Variants in KIF1C observed in about 807,000 individuals in gnomAD.
KIF1C encodes the protein kinesin-like protein KIF1C.
Under a neutral mutation model 126.5 loss-of-function variants are expected in KIF1C, and 61 were observed. The ratio of observed to expected loss-of-function variants is 0.48; its 90% CI spans 0.39 to 0.60. The LOEUF (loss-of-function observed/expected upper bound fraction) is 0.60, where lower values mean the gene tolerates loss of function less well. KIF1C is among the 20% of genes least tolerant of loss of function. The probability of loss-of-function intolerance (pLI) is 0.00; values close to 1 mark genes in which losing one functional copy is unlikely to be tolerated. For synonymous variants in KIF1C, 640 were observed against 580.6 expected, an observed-to-expected ratio of 1.10 and a Z score of -1.47; for missense variants, 1,315 against 1,489.2, an observed-to-expected ratio of 0.88 and a Z score of 1.93.
chr17:5,018,956 G>T (rs139085876), intron 18 of KIF1C, among the ~76,000 whole-genome samples: 1 of 151,924 alleles, frequency 6.6e-6, no homozygotes, highest in Non-Finnish European at 1.5e-5. Context: ...GGGATAGATG[G>T]CACCCCCTCT....
chr17:5,024,251 C>T lies in KIF1C; in HGVS notation c.*100C>T. The T allele has an allele frequency of 1.2e-6, 1 of 859,596 alleles. No individual in the cohort carries two copies. The highest frequency in any genetic ancestry group is 1.8e-6 in the Non-Finnish European group (1 of 551,464). The allele number at this position is 859,596 out of a possible 1,614,324, so 53.2% of individuals were successfully genotyped here. On this transcript the variant is annotated 3_prime_UTR_variant, in exon 23 of 23. Transcript: ENST00000320785. ...CCAGAAGTGCTGGGGCAGGGAGGCC[C>T]AGGAGATGAGAGAGAAGGTCCGAGT...
chr17:5,020,352 A>G lies in KIF1C; in HGVS notation c.1751-140A>G. ...CCCTGGGTGTCAGCCAGGGGAGCAT[A>G]GGCTCCAACTGCCTTCAGACTTGGG... On this transcript the variant is annotated intron_variant, in intron 19 of 22. Transcript: ENST00000320785. The surrounding 1 kb of genome is among the most constrained non-coding windows in gnomAD (Gnocchi z 5.8). 1 of 903,682 alleles carries G rather than the reference A, an allele frequency of 1.1e-6. No homozygotes were observed. 56.0% of individuals were successfully genotyped at this position (903,682 alleles called of 1,614,324 possible).
At position 5,013,819 on chromosome 17, in the gene KIF1C, T is replaced by C. The variant is rs556995723; in HGVS notation, c.1571+87T>C. On this transcript the variant is annotated intron_variant, in intron 17 of 22. Coordinates refer to ENST00000320785, the MANE Select transcript of KIF1C (RefSeq NM_006612.6). Reference sequence around the variant, plus strand: ...TGTCCACATTGGTGTCTCCCTTCCCTGGTGGTCCCTGGAGATACCTCAGAT... The same window carrying C: ...TGTCCACATTGGTGTCTCCCTTCCCCGGTGGTCCCTGGAGATACCTCAGAT... 7 of 941,842 alleles carry C rather than the reference T, an allele frequency of 7.4e-6. No homozygotes were observed. The Admixed American group carries it at 1.2e-4, about 16-fold the overall frequency. 58.3% of individuals were successfully genotyped at this position (941,842 alleles called of 1,614,324 possible). A position where few individuals can be genotyped will look rare whatever the true frequency, so the allele number is the denominator to read the frequency against.
At chr17:5,012,762 C>T (rs1169257094) in intron 16 of KIF1C, among the ~76,000 whole-genome samples, 3 of 152,070 alleles carry the variant, frequency 2.0e-5, no homozygotes, top group African/African-American at 4.8e-5. Flanking sequence ...CTTCCCCAGG[C>T]GTGGCAGCAG....
intron 18 of KIF1C, among the ~76,000 whole-genome samples, chr17:5,018,055 A>G (rs772215053): frequency 2.4e-4 from 37 of 151,968 alleles, no homozygotes; most frequent in Admixed American, 2.6e-4. Flanking sequence ...ATCATGGTTC[A>G]CTGTAGCCTC....
At chr17:5,002,691 G>C in intron 7 of KIF1C, 40 bp from the exon 8 acceptor site, 1 of 1,612,932 alleles carries the variant, frequency 6.2e-7, no homozygotes, top group Non-Finnish European at 8.5e-7. Flanking sequence ...GGTTGGGAAG[G>C]TGAGAGGCAG....
intron 11 of KIF1C, 77 bp downstream of exon 11, chr17:5,004,150 T>C: frequency 9.4e-7 from 1 of 1,063,562 alleles, no homozygotes; most frequent in East Asian, 2.4e-5. Flanking sequence ...CAAATCCCCT[T>C]GCTATGCCGA....
chr17:5,008,872 G>T (rs955704262), intron 16 of KIF1C, among the ~76,000 whole-genome samples: 1 of 152,186 alleles, frequency 6.6e-6, no homozygotes, highest in South Asian at 2.1e-4. Flanking sequence ...CTGGAGCTGG[G>T]CCGCTTCCAC....
In KIF1C at chr17:5,013,635, CT is replaced by C; in HGVS notation, c.1492-15del. ...CCCCTGGCTGGCTCCCCCTGACCACCTTTCTCTCCCCGCTTAGACTCCCCAC... is the reference window on the plus strand; with the variant it reads ...CCCCTGGCTGGCTCCCCCTGACCACCTTCTCTCCCCGCTTAGACTCCCCAC... On this transcript the variant is annotated splice_polypyrimidine_tract_variant and intron_variant, in intron 16 of 22. Coordinates refer to ENST00000320785, the MANE Select transcript of KIF1C (RefSeq NM_006612.6). 6.2e-7 allele frequency: 1 copy of C among 1,608,472 alleles called. No homozygotes were observed. Among genetic ancestry groups the C allele is most frequent in the South Asian group, 1.1e-5 (1 of 90,846 alleles).
intron 16 of KIF1C, among the ~76,000 whole-genome samples, chr17:5,009,282 C>T (rs1183176894): frequency 5.3e-5 from 8 of 151,634 alleles, no homozygotes; most frequent in Non-Finnish European, 1.2e-4. Flanking sequence ...TGGGTTCATA[C>T]GATTCTTCTG....
chr17:5,003,293 C>T (rs968914654), intron 8 of KIF1C, among the ~76,000 whole-genome samples: 7 of 152,042 alleles, frequency 4.6e-5, no homozygotes, highest in African/African-American at 1.7e-4. Context: ...GTGATCCAGC[C>T]GCCTCAGCCT....
Position 5,013,639 on chromosome 17 carries a change from C to T in KIF1C, c.1492-14C>T, listed in dbSNP as rs1974912439. 1.2e-6 allele frequency: 2 copies of T among 1,610,354 alleles called. No individual in the cohort carries two copies. Among genetic ancestry groups the T allele is most frequent in the East Asian group, 2.2e-5 (1 of 44,846 alleles). On this transcript the variant is annotated splice_polypyrimidine_tract_variant and intron_variant, in intron 16 of 22. Coordinates refer to ENST00000320785, the MANE Select transcript of KIF1C (RefSeq NM_006612.6). ...TGGCTGGCTCCCCCTGACCACCTTT[C>T]TCTCCCCGCTTAGACTCCCCACCTG...
rs1975166141 is a variant in KIF1C at position 5,024,346 on chromosome 17, A to G, written c.*195A>G. The G allele has an allele frequency of 2.1e-6, 1 of 480,864 alleles. No individual in the cohort carries two copies. The highest frequency in any genetic ancestry group is 2.0e-5 in the African/African-American group (1 of 49,588). 29.8% of individuals were successfully genotyped at this position (480,864 alleles called of 1,614,324 possible). A position where few individuals can be genotyped will look rare whatever the true frequency, so the allele number is the denominator to read the frequency against. On this transcript the variant is annotated 3_prime_UTR_variant, in exon 23 of 23. Coordinates refer to ENST00000320785, the MANE Select transcript of KIF1C (RefSeq NM_006612.6). ...AGGAAGAGGGCACGGAGTTGCCAGGAGCAAACCAAAGTGAAGAGAGAGATA... is the reference window on the plus strand; with the variant it reads ...AGGAAGAGGGCACGGAGTTGCCAGGGGCAAACCAAAGTGAAGAGAGAGATA...
At position 5,009,186 on chromosome 17, in the gene KIF1C, C is replaced by CT. The variant is rs537589988; in HGVS notation, c.1491+1655dup. On this transcript the variant is annotated intron_variant, in intron 16 of 22. Transcript: ENST00000320785. ...TCAGAGGCAGCCTTCATTATGAGTT[C>CT]TTTTTTTTTTTGAGACGGGGTCTTG... 7.1e-4 allele frequency among the ~76,000 whole-genome samples: 102 copies of CT among 144,406 alleles called. No homozygotes were observed. In the South Asian group the frequency reaches 8.8e-3, roughly 12 times the overall value. 94.7% of individuals were successfully genotyped at this position (144,406 alleles called of 152,430 possible).
intron 12 of KIF1C, 69 bp from the exon 13 acceptor site, chr17:5,004,786 G>A: frequency 6.2e-7 from 1 of 1,607,514 alleles, no homozygotes; most frequent in Non-Finnish European, 8.5e-7. Context: ...GGGAGAGGGG[G>A]AAGGAGAAAC....
chr17:5,002,709 T>C, intron 7 of KIF1C, 22 bp from the exon 8 acceptor site: 1 of 1,613,478 alleles, frequency 6.2e-7, no homozygotes, highest in Non-Finnish European at 8.5e-7. Context: ...CAGGATCCAG[T>C]GACTGCTTTC....
chr17:5,012,727 C>T (rs9904451), intron 16 of KIF1C, among the ~76,000 whole-genome samples: 8 of 152,130 alleles, frequency 5.3e-5, no homozygotes, highest in Non-Finnish European at 8.8e-5. Context: ...GTGTGTGGCA[C>T]GGCAGCAGCT....
Position 5,000,264 on chromosome 17 carries a change from G to A in KIF1C, c.18G>A (p.Val6=), listed in dbSNP as rs148361794. 4.4e-4 allele frequency: 698 copies of A among 1,577,428 alleles called. No individual in the cohort carries two copies. Among genetic ancestry groups the A allele is most frequent in the Non-Finnish European group, 5.7e-4 (666 of 1,162,826 alleles). ...CTGGAGCTATGGCTGGTGCCTCGGTGAAAGTGGCAGTGAGGGTTCGGCCCT... is the reference window on the plus strand; with the variant it reads ...CTGGAGCTATGGCTGGTGCCTCGGTAAAAGTGGCAGTGAGGGTTCGGCCCT... MAGAS[V]KVAVRVRPFN... is the part of the protein sequence containing the mutation. The change falls in exon 3 of 23, where the codon GTG becomes GTA. Residue 6 remains valine (V), a synonymous_variant. Coordinates refer to ENST00000320785, the MANE Select transcript of KIF1C (RefSeq NM_006612.6).
rs1974622599 is a variant in KIF1C, at chr17:5,002,551, A to G, written c.517A>G (p.Ile173Val). 1.2e-6 allele frequency: 2 copies of G among 1,614,084 alleles called. No individual in the cohort carries two copies. Among genetic ancestry groups the G allele is most frequent in the Non-Finnish European group, 1.7e-6 (2 of 1,179,962 alleles). The change falls in exon 7 of 23, where the codon ATC becomes GTC. Residue 173 changes from isoleucine (I) to valine (V), a missense_variant. Physicochemically the swap from Ile to Val is conservative, Grantham distance 29. Coordinates refer to ENST00000320785, the MANE Select transcript of KIF1C (RefSeq NM_006612.6). The part of the protein sequence containing the change: ...RGSLRVREHP[I>V]LGPYVQDLSK... ...TTCTCTGCGGGTCCGGGAGCACCCC[A>G]TCCTGGGCCCGTACGTGCAGGACCT...
Sources: allele counts gnomAD v4.1 joint callset (sites outside exome capture counted in the v4.1 genomes callset), GRCh38; gene constraint gnomAD v4.1.1; non-coding constraint Gnocchi (gnomAD v3.1); transcripts MANE v1.5; gene names NCBI Gene and HGNC (gene_info 2026-07-23, HGNC 2026-07-21).